NPHP4: variants seen among roughly 807,000 people sequenced by gnomAD.
NPHP4 encodes the protein nephrocystin-4.
NPHP4 carries 151 observed loss-of-function variants against 155.8 expected under a neutral mutation model. The ratio of observed to expected loss-of-function variants is 0.97; its 90% CI spans 0.85 to 1.11. The LOEUF is 1.11. Ranked by LOEUF, NPHP4 falls within the 50% of genes least tolerant of loss-of-function variation. NPHP4 has a pLI of 0.00. For missense variants in NPHP4, 1,956 were observed against 1,925.7 expected, an observed-to-expected ratio of 1.02 and a Z score of -0.29; for synonymous variants, 845 against 816.8, an observed-to-expected ratio of 1.03 and a Z score of -0.59.
intron 2 of NPHP4, 120 bp downstream of exon 2, chr1:5,986,035 C>T (rs1490566364): frequency 6.2e-6 from 7 of 1,137,754 alleles, no homozygotes; most frequent in Admixed American, 6.1e-5. Flanking sequence ...TGGGTACCAC[C>T]ATAAAGTAGC....
At position 5,905,510 on chromosome 1, in the gene NPHP4, C is replaced by A. The variant is rs115263803; in HGVS notation, c.1764-27G>T. 7 of 1,596,774 alleles carry A rather than the reference C, an allele frequency of 4.4e-6. No homozygotes were observed. The highest frequency in any genetic ancestry group is 1.7e-5 in the Admixed American group (1 of 59,224). On this transcript the variant is annotated intron_variant, in intron 14 of 29. Coordinates refer to ENST00000378156, the MANE Select transcript of NPHP4 (RefSeq NM_015102.5). The surrounding 1 kb of genome is among the most constrained non-coding windows in gnomAD (Gnocchi z 4.0). The stretch of plus-strand genomic sequence containing the variant: ...TGAGACACAGAGACTCCTCAGGTAG[C>A]CTCCCGGGAAAGGGGGGACCCATTG...
intron 11 of NPHP4, among the ~76,000 whole-genome samples, chr1:5,917,795 A>C (rs1168300743): frequency 6.6e-6 from 1 of 152,110 alleles, no homozygotes; most frequent in Non-Finnish European, 1.5e-5. Context: ...GTCAGTCCCC[A>C]GTCCCCTTGT....
rs1647148516 is a variant in NPHP4 at position 5,947,179 on chromosome 1, C to CAT, written c.1042_1043dup (p.Met348IlefsTer59). ...TGACCGCAAATGCAGGGTGGCCGAC[C>CAT]ATCTCTGGGAGGCGGAGGCGGCTTC... On this transcript the variant is annotated frameshift_variant, in exon 9 of 30. Transcript: ENST00000378156. LOFTEE classifies it high-confidence loss of function. 2 of 1,613,936 alleles carry CAT rather than the reference C, an allele frequency of 1.2e-6. No individual in the cohort carries two copies. The highest frequency in any genetic ancestry group is 1.7e-6 in the Non-Finnish European group (2 of 1,179,882).
intron 10 of NPHP4, among the ~76,000 whole-genome samples, chr1:5,928,806 G>A (rs1005671503): frequency 3.3e-5 from 5 of 151,458 alleles, no homozygotes; most frequent in African/African-American, 9.7e-5. Flanking sequence ...TGTCTATATC[G>A]CCAAAAAAAT....
At chr1:5,985,166 C>G (rs955408336) in intron 2 of NPHP4, among the ~76,000 whole-genome samples, 7 of 152,342 alleles carry the variant, frequency 4.6e-5, no homozygotes, top group Admixed American at 3.9e-4. Flanking sequence ...TAGTCACAGA[C>G]CCGGGGCTCC....
At chr1:5,886,375 A>G (rs1047772653) in intron 18 of NPHP4, 1 of 152,216 alleles carries the variant, frequency 6.6e-6, no homozygotes, top group Non-Finnish European at 1.5e-5. Context: ...CTGCGCTGCC[A>G]GCGTCGGGTG....
chr1:5,902,836 C>T (rs186008608), intron 16 of NPHP4, among the ~76,000 whole-genome samples: 1 of 152,188 alleles, frequency 6.6e-6, no homozygotes. Context: ...TCTTCATTGA[C>T]TCATGGAATA....
chr1:5,866,654 A>G (rs1409255755), intron 25 of NPHP4, among the ~76,000 whole-genome samples, 196 bp from the exon 26 acceptor site: 1 of 152,222 alleles, frequency 6.6e-6, no homozygotes, highest in African/African-American at 2.4e-5. Flanking sequence ...CTGATTTTAC[A>G]TGGATCTCAA....
chr1:5,967,473 A>G, intron 4 of NPHP4, 110 bp from the exon 5 acceptor site: 1 of 815,732 alleles, frequency 1.2e-6, no homozygotes, highest in Non-Finnish European at 2.1e-6. Flanking sequence ...TCTAAACTCC[A>G]CCAGTCCCAT....
intron 16 of NPHP4, among the ~76,000 whole-genome samples, chr1:5,903,398 T>C (rs1644767112): frequency 6.6e-6 from 1 of 152,222 alleles, no homozygotes; most frequent in South Asian, 2.1e-4. Context: ...GTTAGGCTAC[T>C]TCATTTGAGG....
At position 5,890,905 on chromosome 1, in the gene NPHP4, G is replaced by A. The variant is rs773994262; in HGVS notation, c.2267C>T (p.Ser756Phe). The change falls in exon 17 of 30, where the codon TCC becomes TTC. Residue 756 changes from serine (S) to phenylalanine (F), a missense_variant. Ser to Phe is a radical substitution (Grantham distance 155). Transcript: ENST00000378156. The surrounding 1 kb of genome is among the most constrained non-coding windows in gnomAD (Gnocchi z 4.9). ...TLQIDVWDGD[S>F]LLLIGSAAVQ... ...GGCAGCAGATCCGATGAGCAGCAGG[G>A]AGTCTCCGTCCCAGACGTCAATCTG... 6 of 1,610,726 alleles carry A rather than the reference G, an allele frequency of 3.7e-6. No homozygotes were observed. Among genetic ancestry groups the A allele is most frequent in the Non-Finnish European group, 5.1e-6 (6 of 1,178,272 alleles).
chr1:5,886,534 A>G (rs1236082116), intron 18 of NPHP4: 1 of 152,238 alleles, frequency 6.6e-6, no homozygotes, highest in African/African-American at 2.4e-5. Flanking sequence ...TGTGTTTTCA[A>G]TTCTGCCCTG....
At chr1:5,978,984 T>C (rs989914921) in intron 2 of NPHP4, among the ~76,000 whole-genome samples, 2 of 152,194 alleles carry the variant, frequency 1.3e-5, no homozygotes, top group Non-Finnish European at 2.9e-5. Flanking sequence ...TCTTTGAGAA[T>C]TGAGAAATCA....
At position 5,862,896 on chromosome 1, in the gene NPHP4, T is replaced by TA; in HGVS notation, c.*368dup. On this transcript the variant is annotated 3_prime_UTR_variant, in exon 30 of 30. Transcript: ENST00000378156. ...AAATATTGCATAGCAAATAATAGAT[T>TA]ATGTTTGTACAAAATCCAGTAAGAA... 3.8e-6 allele frequency: 1 copy of TA among 262,426 alleles called. No individual in the cohort carries two copies. The highest frequency in any genetic ancestry group is 8.2e-5 in the East Asian group (1 of 12,192). The allele number at this position is 262,426 out of a possible 1,614,324, so 16.3% of individuals were successfully genotyped here.
chr1:5,908,218 G>A (rs912930090), intron 12 of NPHP4, among the ~76,000 whole-genome samples: 4 of 152,202 alleles, frequency 2.6e-5, no homozygotes, highest in South Asian at 2.1e-4. Flanking sequence ...ATACGGTATC[G>A]TGACCACTCG....
intron 6 of NPHP4, among the ~76,000 whole-genome samples, chr1:5,954,684 A>G (rs1648845037): frequency 6.6e-6 from 1 of 152,234 alleles, no homozygotes. Context: ...CTCTCCATAT[A>G]TAAAAGTCAA....
chr1:5,899,117 G>A (rs1465558632), intron 16 of NPHP4, among the ~76,000 whole-genome samples: 8 of 152,222 alleles, frequency 5.3e-5, no homozygotes, highest in Admixed American at 3.9e-4. Flanking sequence ...AGGGAAACCT[G>A]CTTGGCAGAT....
At position 5,882,929 on chromosome 1, in the gene NPHP4, A is replaced by C. The variant is rs570163847; in HGVS notation, c.2486-2690T>G. 6 of 152,370 alleles carry C rather than the reference A, an allele frequency of 3.9e-5. No individual in the cohort carries two copies. The highest frequency in any genetic ancestry group is 1.4e-4 in the African/African-American group (6 of 41,584). 9.4% of individuals were successfully genotyped at this position (152,370 alleles called of 1,614,324 possible). On this transcript the variant is annotated intron_variant, in intron 18 of 29. Transcript: ENST00000378156. The surrounding 1 kb of genome is among the most constrained non-coding windows in gnomAD (Gnocchi z 5.1). ...AGGATCAAGATCCTCGTCCCTAAGA[A>C]AGGAACCCAGATCAGCGCTCCTTCA...
At chr1:5,868,826 GCACACACGCACC>G (rs1641599202) in intron 23 of NPHP4, among the ~76,000 whole-genome samples, 1 of 86,108 alleles carries the variant, frequency 1.2e-5, no homozygotes, top group Non-Finnish European at 2.3e-5. Context: ...ACCCACACAT[GCACACACGCACC>G]CACACACGCA....
Sources: allele counts gnomAD v4.1 joint callset (sites outside exome capture counted in the v4.1 genomes callset), GRCh38; gene constraint gnomAD v4.1.1; non-coding constraint Gnocchi (gnomAD v3.1); transcripts MANE v1.5; gene names NCBI Gene and HGNC (gene_info 2026-07-23, HGNC 2026-07-21).